Variants in DOCK2 observed in about 807,000 individuals in gnomAD.
The protein encoded by DOCK2 is dedicator of cytokinesis protein 2.
A neutral mutation model predicts 248.9 loss-of-function variants in DOCK2; 87 were observed. The ratio of observed to expected loss-of-function variants is 0.35; its 90% CI spans 0.29 to 0.42. The LOEUF is 0.42. Ranked by LOEUF, DOCK2 falls within the 10% of genes least tolerant of loss-of-function variation. The pLI, the probability that DOCK2 is intolerant of heterozygous loss-of-function variation, is 1.00. For synonymous variants in DOCK2, 805 were observed against 821.6 expected, an observed-to-expected ratio of 0.98 and a Z score of 0.35; for missense variants, 1,747 against 2,300.2, an observed-to-expected ratio of 0.76 and a Z score of 4.92.
intron 30 of DOCK2, among the ~76,000 whole-genome samples, chr5:170,005,148 A>G (rs1227468690): frequency 1.3e-5 from 2 of 152,202 alleles, no homozygotes; most frequent in Admixed American, 1.3e-4. Context: ...ATAAGAAATC[A>G]TACATGAAAG....
intron 22 of DOCK2, among the ~76,000 whole-genome samples, chr5:169,723,451 G>A (rs1762309062): frequency 6.6e-6 from 1 of 152,180 alleles, no homozygotes; most frequent in Admixed American, 6.5e-5. Flanking sequence ...CCCAATGGAT[G>A]TAAGGTACTT....
chr5:170,078,897 C>G, intron 48 of DOCK2, 78 bp from the exon 49 acceptor site: 1 of 1,545,176 alleles, frequency 6.5e-7, no homozygotes, highest in Non-Finnish European at 8.8e-7. Flanking sequence ...AGGTCCCCTT[C>G]AGCTTCCTGG....
At chr5:169,700,849 C>T (rs935186513) in intron 13 of DOCK2, among the ~76,000 whole-genome samples, 10 of 148,514 alleles carry the variant, frequency 6.7e-5, no homozygotes, top group African/African-American at 1.0e-4. Flanking sequence ...GCAAGAAATT[C>T]GGAGAGGGGA....
intron 44 of DOCK2, among the ~76,000 whole-genome samples, chr5:170,066,065 T>C (rs972681280): frequency 4.0e-5 from 6 of 150,978 alleles, no homozygotes; most frequent in Non-Finnish European, 7.4e-5. Context: ...CATTCTCCTG[T>C]CTCAGCCTCC....
At chr5:169,737,342 G>A (rs938261893) in intron 22 of DOCK2, among the ~76,000 whole-genome samples, 1 of 152,130 alleles carries the variant, frequency 6.6e-6, no homozygotes, top group African/African-American at 2.4e-5. Flanking sequence ...GGGTAGGAAG[G>A]GGTGGCTCTT....
chr5:169,950,021 G>A (rs1776595951), intron 27 of DOCK2, among the ~76,000 whole-genome samples: 1 of 152,164 alleles, frequency 6.6e-6, no homozygotes, highest in Admixed American at 6.5e-5. Context: ...TGCGTTTGAG[G>A]GGATCACAGA....
chr5:169,716,828 T>C (rs1183482744), intron 20 of DOCK2, among the ~76,000 whole-genome samples: 2 of 152,200 alleles, frequency 1.3e-5, no homozygotes, highest in African/African-American at 4.8e-5. Context: ...CTCAGTGTTA[T>C]GTCAAAATAA....
chr5:170,013,627 C>G (rs1755395145), intron 32 of DOCK2, among the ~76,000 whole-genome samples: 1 of 152,020 alleles, frequency 6.6e-6, no homozygotes, highest in Admixed American at 6.5e-5. Flanking sequence ...ATAGATTAAT[C>G]CTTAGATCCT....
rs758063069 is a variant in DOCK2 at position 170,047,620 on chromosome 5, T to C, written c.4071+6T>C. On this transcript the variant is annotated splice_donor_region_variant and intron_variant, in intron 40 of 51. Coordinates refer to ENST00000520908, the MANE Select transcript of DOCK2 (RefSeq NM_004946.3). The stretch of plus-strand genomic sequence containing the variant: ...GATTCCCCTCCTTCCTGCGGGTGAG[T>C]TTGGGGGTGACTTGGACACCAGGCG... 9.9e-6 allele frequency: 16 copies of C among 1,613,264 alleles called. No individual in the cohort carries two copies. Among genetic ancestry groups the C allele is most frequent in the Non-Finnish European group, 1.3e-5 (15 of 1,179,656 alleles).
At chr5:169,825,951 G>A (rs1037585066) in intron 26 of DOCK2, among the ~76,000 whole-genome samples, 6 of 151,996 alleles carry the variant, frequency 3.9e-5, no homozygotes, top group African/African-American at 1.5e-4. Context: ...GGGGGAATAA[G>A]TAAAGAAGTT....
At chr5:169,871,710 G>T (rs568606408) in intron 27 of DOCK2, among the ~76,000 whole-genome samples, 2 of 152,144 alleles carry the variant, frequency 1.3e-5, no homozygotes, top group Non-Finnish European at 2.9e-5. Flanking sequence ...GGTGGTGGGG[G>T]TGGAGGTGGT....
At chr5:169,879,501 A>T (rs931292017) in intron 27 of DOCK2, among the ~76,000 whole-genome samples, 2 of 152,200 alleles carry the variant, frequency 1.3e-5, no homozygotes, top group East Asian at 3.8e-4. Flanking sequence ...CTGGGAGAAC[A>T]GTCTGGCTTT....
intron 47 of DOCK2, among the ~76,000 whole-genome samples, chr5:170,076,862 G>A (rs1166391372): frequency 3.3e-5 from 5 of 152,178 alleles, no homozygotes; most frequent in Admixed American, 3.3e-4. Context: ...TGCAATTCTG[G>A]TGCTAACTCC....
chr5:170,072,671 C>T lies in DOCK2; in HGVS notation c.4729-3276C>T, dbSNP rs561476968. ...CTAAGTCAGTTGATCCACATTCTCCCTGACACTTGATACTGGGAGTCTTTT... is the reference window on the plus strand; with the variant it reads ...CTAAGTCAGTTGATCCACATTCTCCTTGACACTTGATACTGGGAGTCTTTT... On this transcript the variant is annotated intron_variant, in intron 46 of 51. Transcript: ENST00000520908. Among the ~76,000 whole-genome samples the T allele has an allele frequency of 4.6e-5, 7 of 152,340 alleles. No homozygotes were observed. In the South Asian group the frequency reaches 1.5e-3, roughly 32 times the overall value.
chr5:169,650,874 C>T (rs184143431), intron 1 of DOCK2, among the ~76,000 whole-genome samples: 27 of 152,246 alleles, frequency 1.8e-4, no homozygotes, highest in African/African-American at 6.0e-4. Context: ...CAGGGCTTGG[C>T]GACCTGGCAC....
chr5:169,665,539 T>G (rs1758675005), intron 2 of DOCK2, among the ~76,000 whole-genome samples: 1 of 152,178 alleles, frequency 6.6e-6, no homozygotes, highest in Non-Finnish European at 1.5e-5. Flanking sequence ...TCTAGTGCAA[T>G]TGAAATCCCT....
At chr5:169,885,706 C>T (rs894653065) in intron 27 of DOCK2, among the ~76,000 whole-genome samples, 12 of 152,180 alleles carry the variant, frequency 7.9e-5, no homozygotes, top group African/African-American at 2.4e-4. Context: ...CTGTTCTAAG[C>T]GCTTTCCAAG....
At chr5:169,830,068 A>G (rs1268820428) in intron 26 of DOCK2, among the ~76,000 whole-genome samples, 2 of 152,228 alleles carry the variant, frequency 1.3e-5, no homozygotes, top group African/African-American at 2.4e-5. Flanking sequence ...TATACGTAAT[A>G]CAATATTGCT....
intron 25 of DOCK2, among the ~76,000 whole-genome samples, chr5:169,785,125 G>A (rs1447869205): frequency 6.6e-6 from 1 of 152,168 alleles, no homozygotes; most frequent in Non-Finnish European, 1.5e-5. Context: ...CTCGTATGTT[G>A]ATAACCTCAT....
Sources: allele counts gnomAD v4.1 joint callset (sites outside exome capture counted in the v4.1 genomes callset), GRCh38; gene constraint gnomAD v4.1.1; transcripts MANE v1.5; gene names NCBI Gene and HGNC (gene_info 2026-07-23, HGNC 2026-07-21).